THSD7B: variants seen among roughly 807,000 people sequenced by gnomAD.
The protein encoded by THSD7B is thrombospondin type-1 domain-containing protein 7B.
In THSD7B, 138 loss-of-function variants were observed where a neutral mutation model predicts 213.6. The observed-to-expected ratio is 0.65, with a 90% CI of 0.56 to 0.74. THSD7B has a LOEUF of 0.74. THSD7B is among the 30% of genes least tolerant of loss of function. The pLI is 0.00. For synonymous variants in THSD7B, 742 were observed against 687.0 expected (o/e 1.08, Z -1.25); for missense variants, 1,931 against 1,991.5 (o/e 0.97, Z 0.58).
chr2:136,998,739 G>A (rs1685942189), intron 2 of THSD7B, among the ~76,000 whole-genome samples: 1 of 152,056 alleles, frequency 6.6e-6, no homozygotes. Flanking sequence ...TTTCTTTCTG[G>A]AGGATAGGAA....
chr2:137,629,998 T>C (rs1303752651), intron 20 of THSD7B, among the ~76,000 whole-genome samples: 1 of 92,890 alleles, frequency 1.1e-5, no homozygotes, highest in Non-Finnish European at 2.6e-5. Context: ...CAACTTCAAT[T>C]TTTTTTTTTT....
chr2:137,483,743 C>A (rs1688359421), intron 15 of THSD7B, among the ~76,000 whole-genome samples: 1 of 152,080 alleles, frequency 6.6e-6, no homozygotes, highest in Admixed American at 6.5e-5. Context: ...GCTTTCTGGG[C>A]AGGAGAAAGT....
At chr2:137,670,894 G>A (rs10194192) in intron 27 of THSD7B, among the ~76,000 whole-genome samples, 137,966 of 147,076 alleles carry the variant, frequency 0.94, 64,840 homozygotes, top group East Asian at 0.98. Context: ...GCACTGCAGC[G>A]TGGGCGACAG....
intron 12 of THSD7B, among the ~76,000 whole-genome samples, chr2:137,390,679 TG>T (rs1187554122): frequency 6.6e-6 from 1 of 152,230 alleles, no homozygotes; most frequent in Non-Finnish European, 1.5e-5. Flanking sequence ...TTGTCATACA[TG>T]GTCTTTATTA....
chr2:137,616,025 G>A, intron 17 of THSD7B, 150 bp from the exon 18 acceptor site: 2 of 742,376 alleles, frequency 2.7e-6, no homozygotes, highest in Admixed American at 3.7e-5. Context: ...ATCATTCACA[G>A]AATGGTTTCA....
intron 5 of THSD7B, among the ~76,000 whole-genome samples, chr2:137,153,792 T>C (rs956660116): frequency 6.6e-6 from 1 of 152,198 alleles, no homozygotes; most frequent in Non-Finnish European, 1.5e-5. Context: ...GTCAGTGTAC[T>C]CCCTAAATGA....
chr2:137,454,392 A>ATCTGTCTG (rs1553451269), intron 15 of THSD7B, among the ~76,000 whole-genome samples: 1 of 115,146 alleles, frequency 8.7e-6, no homozygotes, highest in African/African-American at 3.0e-5. Context: ...GAGCCATTCT[A>ATCTGTCTG]TCTGTCTGTC....
chr2:136,770,484 A>G (rs1357379705), intron 1 of THSD7B, among the ~76,000 whole-genome samples: 1 of 152,232 alleles, frequency 6.6e-6, no homozygotes, highest in Non-Finnish European at 1.5e-5. Context: ...CATGTGCTCC[A>G]GTAGGTCAAT....
At chr2:137,333,770 C>A (rs957817047) in intron 12 of THSD7B, among the ~76,000 whole-genome samples, 19 of 152,170 alleles carry the variant, frequency 1.2e-4, no homozygotes, top group African/African-American at 4.6e-4. Context: ...TAGAAACCTT[C>A]TGTTATTTTT....
At chr2:137,207,113 C>T (rs6735885) in intron 7 of THSD7B, among the ~76,000 whole-genome samples, 90,243 of 151,680 alleles carry the variant, frequency 0.59, 27,219 homozygotes, top group South Asian at 0.71. Flanking sequence ...AGAGAAGCTG[C>T]AAGATGTAAA....
intron 7 of THSD7B, among the ~76,000 whole-genome samples, chr2:137,212,750 T>A (rs916657000): frequency 2.0e-5 from 3 of 152,020 alleles, no homozygotes; most frequent in African/African-American, 7.2e-5. Context: ...TATAAGATTT[T>A]TAAGATGAGG....
chr2:136,842,365 C>T (rs901381502), intron 1 of THSD7B, among the ~76,000 whole-genome samples: 1 of 152,162 alleles, frequency 6.6e-6, no homozygotes, highest in Non-Finnish European at 1.5e-5. Flanking sequence ...TCATTAATCT[C>T]AGCTATATCA....
At chr2:137,258,458 A>G (rs765883628) in intron 10 of THSD7B, among the ~76,000 whole-genome samples, 1 of 152,032 alleles carries the variant, frequency 6.6e-6, no homozygotes, top group Non-Finnish European at 1.5e-5. Context: ...CTTGGCACAT[A>G]ATACCAGCTC....
At chr2:137,112,502 CTT>C (rs1688367548) in intron 4 of THSD7B, among the ~76,000 whole-genome samples, 1 of 152,136 alleles carries the variant, frequency 6.6e-6, no homozygotes, top group Non-Finnish European at 1.5e-5. Flanking sequence ...TCATTAAACT[CTT>C]GTTTTCATTT....
At chr2:137,355,794 C>T (rs1411553057) in intron 12 of THSD7B, among the ~76,000 whole-genome samples, 1 of 152,070 alleles carries the variant, frequency 6.6e-6, no homozygotes, top group Non-Finnish European at 1.5e-5. Flanking sequence ...GCCCCTTTTT[C>T]CTTCTCTGTA....
At chr2:136,860,883 A>G (rs1327896360) in intron 1 of THSD7B, among the ~76,000 whole-genome samples, 3 of 152,234 alleles carry the variant, frequency 2.0e-5, no homozygotes, top group African/African-American at 7.2e-5. Flanking sequence ...CTCTCCTGGA[A>G]TCATTCTATT....
At chr2:137,463,313 A>G (rs1255676964) in intron 15 of THSD7B, among the ~76,000 whole-genome samples, 3 of 152,118 alleles carry the variant, frequency 2.0e-5, no homozygotes, top group Non-Finnish European at 4.4e-5. Flanking sequence ...TTGGTCCAAA[A>G]TTTTATATTT....
intron 2 of THSD7B, among the ~76,000 whole-genome samples, 195 bp downstream of exon 2, chr2:136,882,512 A>G (rs527503373): frequency 6.6e-6 from 1 of 152,058 alleles, no homozygotes; most frequent in Non-Finnish European, 1.5e-5. Flanking sequence ...GATGCTTGTT[A>G]TCCTTCTGAA....
chr2:137,109,221 T>A (rs4954467), intron 4 of THSD7B, among the ~76,000 whole-genome samples: 111,693 of 152,052 alleles, frequency 0.73, 45,133 homozygotes, highest in Non-Finnish European at 0.9. Flanking sequence ...TAGCCAGGTG[T>A]TCCTTAAAAA....
Sources: gnomAD v4.1 joint callset for allele counts (sites outside exome capture counted in the v4.1 genomes callset) on GRCh38, gnomAD v4.1.1 for gene constraint, MANE v1.5 for transcripts, NCBI Gene and HGNC (gene_info 2026-07-23, HGNC 2026-07-21) for gene names.